Variants in TSC22D1 observed in about 807,000 individuals in gnomAD.
The protein encoded by TSC22D1 is TSC22 domain family member 1, also known as TSC22 domain family protein 1.
Under a neutral mutation model 74.2 loss-of-function variants are expected in TSC22D1, and 9 were observed. That is an observed-to-expected ratio of 0.12 (90% CI 0.07 to 0.21). The LOEUF is 0.21. TSC22D1 is among the 10% of genes least tolerant of loss of function. The pLI is 1.00. For missense variants in TSC22D1, 1,427 were observed against 1,304.7 expected (o/e 1.09, Z -1.44); for synonymous variants, 586 against 492.5 (o/e 1.19, Z -2.51).
At chr13:44,511,575 A>C (rs1160768318) in intron 1 of TSC22D1, among the ~76,000 whole-genome samples, 1 of 151,998 alleles carries the variant, frequency 6.6e-6, no homozygotes, top group African/African-American at 2.4e-5. Context: ...GACAATCCAA[A>C]AACACCTATC....
chr13:44,520,095 G>A (rs560213279), intron 1 of TSC22D1, among the ~76,000 whole-genome samples: 2 of 152,336 alleles, frequency 1.3e-5, no homozygotes, highest in South Asian at 4.1e-4. Context: ...AAGTTGATCA[G>A]TGTTATAAAC....
intron 2 of TSC22D1, chr13:44,435,823 C>T: frequency 3.4e-6 from 2 of 585,636 alleles, no homozygotes; most frequent in Non-Finnish European, 6.1e-6. Flanking sequence ...TGAAACCAGT[C>T]CGGGGAAGAA....
At chr13:44,560,739 TCA>T (rs1882985127) in intron 1 of TSC22D1, among the ~76,000 whole-genome samples, 1 of 152,212 alleles carries the variant, frequency 6.6e-6, no homozygotes, top group African/African-American at 2.4e-5. Context: ...TGTCCATAGC[TCA>T]GTCATTAACA....
chr13:44,502,450 A>G (rs1212918795), intron 1 of TSC22D1, among the ~76,000 whole-genome samples: 2 of 152,134 alleles, frequency 1.3e-5, no homozygotes, highest in African/African-American at 2.4e-5. Flanking sequence ...CTTCATTGGA[A>G]CCACCACACA....
In TSC22D1 at chr13:44,436,090, G is replaced by C. The variant is rs777450626; in HGVS notation, c.2918C>G (p.Ser973Cys). 3 of 1,611,858 alleles carry C rather than the reference G, an allele frequency of 1.9e-6. No homozygotes were observed. Among genetic ancestry groups the C allele is most frequent in the South Asian group, 1.1e-5 (1 of 90,426 alleles). ...PLVDGEDESS[S>C]GASVVAIDNK... ...GTCAATAGCTACCACACTTGCACCAGAGGAGCTGAAAAAGAGGAGGGAAAA... is the reference window on the plus strand; with the variant it reads ...GTCAATAGCTACCACACTTGCACCACAGGAGCTGAAAAAGAGGAGGGAAAA... The change falls in exon 2 of 3, where the codon TCT becomes TGT. Residue 973 changes from serine to cysteine, a missense_variant. Ser to Cys is a moderately radical substitution (Grantham distance 112). This residue lies in a region of TSC22D1 where 1,343 missense variants were observed against 1,191.5 expected (regional missense o/e 1.13). Coordinates refer to ENST00000458659, the MANE Select transcript of TSC22D1 (RefSeq NM_183422.4).
chr13:44,494,375 CAAAAAAAAAAAAAA>C (rs57468850), intron 1 of TSC22D1, among the ~76,000 whole-genome samples: 26 of 26,476 alleles, frequency 9.8e-4, no homozygotes, highest in Admixed American at 6.4e-3. Context: ...GACTCCGTAT[CAAAAAAAAAAAAAA>C]AAAAAAAAAA....
chr13:44,561,453 T>C (rs953998455), intron 1 of TSC22D1, among the ~76,000 whole-genome samples: 3 of 152,164 alleles, frequency 2.0e-5, no homozygotes, highest in South Asian at 2.1e-4. Flanking sequence ...GACTTCTCAA[T>C]CTTACATTTA....
chr13:44,474,751 G>A (rs1349153421), intron 1 of TSC22D1, among the ~76,000 whole-genome samples: 1 of 151,928 alleles, frequency 6.6e-6, no homozygotes. Context: ...GGTAGGGGAA[G>A]GAGGACGGGA....
At chr13:44,448,320 C>A (rs534845568) in intron 1 of TSC22D1, among the ~76,000 whole-genome samples, 41 of 152,188 alleles carry the variant, frequency 2.7e-4, no homozygotes, top group African/African-American at 9.9e-4. Context: ...AAGAAAACAA[C>A]GATAAGCAGT....
chr13:44,518,141 C>G (rs1880143042), intron 1 of TSC22D1, among the ~76,000 whole-genome samples: 1 of 151,050 alleles, frequency 6.6e-6, no homozygotes. Context: ...AGTGAGCCAC[C>G]ACCCCTAGCC....
chr13:44,571,353 T>G (rs1883752890), intron 1 of TSC22D1, among the ~76,000 whole-genome samples: 1 of 152,190 alleles, frequency 6.6e-6, no homozygotes, highest in Non-Finnish European at 1.5e-5. Context: ...GGGACCCTAT[T>G]CCTATAGTTA....
chr13:44,443,228 A>C (rs1875352520), intron 1 of TSC22D1, among the ~76,000 whole-genome samples: 1 of 152,058 alleles, frequency 6.6e-6, no homozygotes, highest in Non-Finnish European at 1.5e-5. Flanking sequence ...TGCTATGTAC[A>C]GAGCAACAAA....
intron 1 of TSC22D1, among the ~76,000 whole-genome samples, chr13:44,546,737 C>G (rs571826184): frequency 2.7e-5 from 3 of 109,696 alleles, no homozygotes; most frequent in African/African-American, 3.2e-5. Flanking sequence ...TATGGGAATT[C>G]TGTGTGAAAT....
intron 1 of TSC22D1, chr13:44,538,875 C>T (rs1881302491): frequency 5.1e-6 from 5 of 985,168 alleles, no homozygotes; most frequent in South Asian, 9.4e-5. Flanking sequence ...GATGTTTTAC[C>T]AGTTGAAAGA....
intron 1 of TSC22D1, among the ~76,000 whole-genome samples, chr13:44,521,684 A>G (rs1234613592): frequency 3.5e-5 from 4 of 114,640 alleles, no homozygotes; most frequent in Non-Finnish European, 7.9e-5. Context: ...AAAGAATGGA[A>G]AAAAAAAAAA....
At chr13:44,472,789 C>A (rs1325851575) in intron 1 of TSC22D1, among the ~76,000 whole-genome samples, 1 of 152,166 alleles carries the variant, frequency 6.6e-6, no homozygotes, top group African/African-American at 2.4e-5. Context: ...AGGCAATTTT[C>A]TTTGTTTTGA....
intron 1 of TSC22D1, among the ~76,000 whole-genome samples, chr13:44,453,377 C>T (rs1270468465): frequency 6.6e-6 from 1 of 152,200 alleles, no homozygotes; most frequent in Non-Finnish European, 1.5e-5. Context: ...AGCAGAATAA[C>T]CTACCAAACT....
At chr13:44,435,073 G>A (rs562397045) in intron 2 of TSC22D1, 190 bp from the exon 3 acceptor site, 108 of 567,958 alleles carry the variant, frequency 1.9e-4, no homozygotes, top group Non-Finnish European at 2.9e-4. Context: ...ACGTATAAAT[G>A]ATCAAGCTTT....
chr13:44,575,362 T>TGGTGGTGACCATGTTGGA lies in TSC22D1; in HGVS notation c.695_712dup (p.Leu232_His237dup). 1 of 1,614,130 alleles carries TGGTGGTGACCATGTTGGA rather than the reference T, an allele frequency of 6.2e-7. No homozygotes were observed. On this transcript the variant is annotated inframe_insertion, in exon 1 of 3. Transcript: ENST00000458659. ...ACTGGCCACAGCAACATGAGATGGA[T>TGGTGGTGACCATGTTGGA]GGTGGTGACCATGTTGGAGGTGGTG...
Sources: gnomAD v4.1 joint callset for allele counts (sites outside exome capture counted in the v4.1 genomes callset) on GRCh38, gnomAD v4.1.1 for gene constraint, gnomAD v4.1.1 regional missense constraint, MANE v1.5 for transcripts, NCBI Gene and HGNC (gene_info 2026-07-23, HGNC 2026-07-21) for gene names.